The following ABTB3 variants were observed in gnomAD, a reference collection of about 807,000 sequenced individuals.
ABTB3 encodes the protein ankyrin repeat- and BTB/POZ domain-containing protein 3.
At chr12:107,477,588 T>A in the ABTB3 span, among the ~76,000 whole-genome samples, 1 of 152,178 alleles carries the variant, frequency 6.6e-6, no homozygotes, top group African/African-American at 2.4e-5. Context: ...TTTTCAAAAA[T>A]TTAATCTCAA....
chr12:107,443,000 G>A, the ABTB3 span, among the ~76,000 whole-genome samples: 29 of 152,268 alleles, frequency 1.9e-4, no homozygotes, highest in Middle Eastern at 3.4e-3. Flanking sequence ...TATGGTGCAA[G>A]GGGCAAGGGG....
the ABTB3 span, among the ~76,000 whole-genome samples, chr12:107,450,347 AGAG>A: frequency 6.6e-6 from 1 of 152,172 alleles, no homozygotes; most frequent in Non-Finnish European, 1.5e-5. Flanking sequence ...TAAATGGAGA[AGAG>A]AAGTACAAAT....
chr12:107,384,637 C>T, the ABTB3 span, among the ~76,000 whole-genome samples: 169 of 152,290 alleles, frequency 1.1e-3, 1 homozygote, highest in East Asian at 8.9e-3. Flanking sequence ...AGTACATCCC[C>T]TGGGAATAGC....
chr12:107,540,191 G>A, the ABTB3 span, among the ~76,000 whole-genome samples: 1 of 152,196 alleles, frequency 6.6e-6, no homozygotes. Context: ...CAAGATGCCA[G>A]CCAGGTCAAG....
At chr12:107,349,207 T>G in the ABTB3 span, among the ~76,000 whole-genome samples, 1 of 152,210 alleles carries the variant, frequency 6.6e-6, no homozygotes, top group Non-Finnish European at 1.5e-5. Flanking sequence ...TCCTGACGCC[T>G]CAGCCCCAGC....
At chr12:107,651,868 G>A in the ABTB3 span, 3 of 1,208,654 alleles carry the variant, frequency 2.5e-6, no homozygotes, top group Admixed American at 1.8e-5. Context: ...CACAGAGGCA[G>A]GGCAGAGAGT....
the ABTB3 span, among the ~76,000 whole-genome samples, chr12:107,413,090 CCG>C: frequency 2.0e-4 from 31 of 151,952 alleles, no homozygotes; most frequent in East Asian, 5.8e-3. Context: ...CTGGCTAACA[CCG>C]TGAAACCCTG....
the ABTB3 span, among the ~76,000 whole-genome samples, chr12:107,421,736 C>T: frequency 6.6e-6 from 1 of 152,172 alleles, no homozygotes; most frequent in African/African-American, 2.4e-5. Flanking sequence ...CTGCGCCTTC[C>T]ACTTCGGCCT....
chr12:107,564,216 A>G, the ABTB3 span, among the ~76,000 whole-genome samples: 1 of 151,144 alleles, frequency 6.6e-6, no homozygotes, highest in Non-Finnish European at 1.5e-5. Context: ...CCTTCCACCC[A>G]TTGTATGTTT....
At chr12:107,404,237 A>G in the ABTB3 span, among the ~76,000 whole-genome samples, 39 of 152,110 alleles carry the variant, frequency 2.6e-4, no homozygotes, top group East Asian at 6.6e-3. Flanking sequence ...GACCCAGTGA[A>G]ATGCCTGGAA....
chr12:107,581,312 C>CG, the ABTB3 span: 2 of 1,318,874 alleles, frequency 1.5e-6, no homozygotes, highest in African/African-American at 3.1e-5. Flanking sequence ...CAGGTAGGCG[C>CG]GGGGGCGGGC....
the ABTB3 span, among the ~76,000 whole-genome samples, chr12:107,594,184 G>C: frequency 5.9e-5 from 9 of 152,200 alleles, no homozygotes; most frequent in African/African-American, 1.9e-4. Context: ...AGATAATGCT[G>C]CCTCGTCATT....
chr12:107,615,110 A>G, the ABTB3 span: 1 of 1,614,000 alleles, frequency 6.2e-7, no homozygotes, highest in Non-Finnish European at 8.5e-7. Context: ...GAGACCCGCC[A>G]TTGGACGGCT....
the ABTB3 span, among the ~76,000 whole-genome samples, chr12:107,657,051 C>CG: frequency 2.6e-5 from 4 of 151,588 alleles, no homozygotes; most frequent in East Asian, 5.8e-4. Context: ...TCAAAAAAAA[C>CG]AAAAAAAAGA....
chr12:107,516,344 C>A, the ABTB3 span, among the ~76,000 whole-genome samples: 1 of 152,058 alleles, frequency 6.6e-6, no homozygotes, highest in Non-Finnish European at 1.5e-5. Flanking sequence ...GATTTTCCTG[C>A]CTCAGCTTCC....
At chr12:107,503,846 AAAATGTCC>A in the ABTB3 span, among the ~76,000 whole-genome samples, 4 of 151,992 alleles carry the variant, frequency 2.6e-5, no homozygotes, top group Admixed American at 2.6e-4. Context: ...AGGAGGGAAG[AAAATGTCC>A]AAAAAGGCTT....
At chr12:107,645,866 A>C in the ABTB3 span, among the ~76,000 whole-genome samples, 1 of 152,190 alleles carries the variant, frequency 6.6e-6, no homozygotes, top group Non-Finnish European at 1.5e-5. Flanking sequence ...ATGGGAAGGG[A>C]AAATTTAACA....
At chr12:107,386,561 G>A in the ABTB3 span, among the ~76,000 whole-genome samples, 1 of 152,198 alleles carries the variant, frequency 6.6e-6, no homozygotes, top group Non-Finnish European at 1.5e-5. Flanking sequence ...TTGGCCTGGA[G>A]GAAGCATTTC....
At chr12:107,608,327 C>G in the ABTB3 span, among the ~76,000 whole-genome samples, 1 of 152,194 alleles carries the variant, frequency 6.6e-6, no homozygotes, top group Non-Finnish European at 1.5e-5. Context: ...ACCCTCCGTC[C>G]TCTCATAGGG....
Sources: allele counts gnomAD v4.1 joint callset (sites outside exome capture counted in the v4.1 genomes callset), GRCh38; gene constraint gnomAD v4.1.1; transcripts MANE v1.5; gene names NCBI Gene and HGNC (gene_info 2026-07-23, HGNC 2026-07-21).